The following MMUT variants were observed in gnomAD, a reference collection of about 807,000 sequenced individuals.
MMUT encodes the protein methylmalonyl-CoA mutase.
A neutral mutation model predicts 79.9 loss-of-function variants in MMUT; 79 were observed. The observed-to-expected ratio is 0.99, with a 90% CI of 0.82 to 1.19. The LOEUF is 1.19. MMUT is among the 50% of genes most tolerant of loss of function. The pLI is 0.00. For synonymous variants in MMUT, 273 were observed against 295.7 expected, an observed-to-expected ratio of 0.92 and a Z score of 0.79; for missense variants, 860 against 917.2, an observed-to-expected ratio of 0.94 and a Z score of 0.81.
intron 4 of MMUT, 76 bp from the exon 5 acceptor site, chr6:49,453,832 C>T (rs980826042): frequency 5.6e-6 from 7 of 1,242,874 alleles, no homozygotes. Context: ...AATTGTATCA[C>T]ACACTAGAAA....
At chr6:49,459,043 G>T (rs1454041075) in intron 2 of MMUT, 39 bp downstream of exon 2, 2 of 1,594,210 alleles carry the variant, frequency 1.3e-6, no homozygotes, top group South Asian at 1.1e-5. Context: ...GGAGGCATAT[G>T]ACTTATCATA....
At chr6:49,435,988 A>C (rs1767114391) in intron 11 of MMUT, among the ~76,000 whole-genome samples, 2 of 152,224 alleles carry the variant, frequency 1.3e-5, no homozygotes, top group Admixed American at 1.3e-4. Flanking sequence ...ACTTTCCAAA[A>C]AAGACATACA....
intron 12 of MMUT, among the ~76,000 whole-genome samples, chr6:49,434,268 G>T (rs994395237): frequency 2.6e-5 from 4 of 152,096 alleles, no homozygotes; most frequent in African/African-American, 9.7e-5. Flanking sequence ...TTAACAAAAA[G>T]AATTTTGTGT....
At position 49,436,273 on chromosome 6, in the gene MMUT, G is replaced by A. The variant is rs376769640; in HGVS notation, c.1957-650C>T. 6.6e-5 allele frequency among the ~76,000 whole-genome samples: 10 copies of A among 152,174 alleles called. 1 individual carries two copies. Among genetic ancestry groups the A allele is most frequent in the East Asian group, 5.8e-4 (3 of 5,168 alleles). The stretch of plus-strand genomic sequence containing the variant: ...CTCCCAACCCAGCAATCCCATTACC[G>A]TACATATACCCAAATGAACAGAAAT... On this transcript the variant is annotated intron_variant, in intron 11 of 12. Transcript: ENST00000274813.
intron 11 of MMUT, among the ~76,000 whole-genome samples, chr6:49,437,321 CA>C (rs1561951148): frequency 5.3e-5 from 8 of 151,966 alleles, no homozygotes; most frequent in Admixed American, 2.0e-4. Flanking sequence ...TAGCCAATTT[CA>C]CCCTATTAAC....
At position 49,444,757 on chromosome 6, in the gene MMUT, A is replaced by G. The variant is rs1767370231; in HGVS notation, c.1561-3T>C. ...GCTTGATCCCTGCTGGATTTGATCTATGGAAAAAGTCAAGGAAAGGGACAA... is the reference window on the plus strand; with the variant it reads ...GCTTGATCCCTGCTGGATTTGATCTGTGGAAAAAGTCAAGGAAAGGGACAA... On this transcript the variant is annotated splice_region_variant and splice_polypyrimidine_tract_variant and intron_variant, in intron 8 of 12. Transcript: ENST00000274813. 2 of 1,608,074 alleles carry G rather than the reference A, an allele frequency of 1.2e-6. No homozygotes were observed. The highest frequency in any genetic ancestry group is 2.2e-5 in the South Asian group (2 of 90,954).
intron 3 of MMUT, among the ~76,000 whole-genome samples, 166 bp downstream of exon 3, chr6:49,457,525 T>C (rs1047251648): frequency 6.6e-6 from 1 of 152,152 alleles, no homozygotes; most frequent in African/African-American, 2.4e-5. Context: ...TTCCTGCAAG[T>C]AACGACAGAA....
rs530299655 is a variant in MMUT at position 49,430,919 on chromosome 6, T to A, written c.*809A>T. The A allele has an allele frequency of 9.8e-5, 15 of 152,316 alleles. No individual in the cohort carries two copies. Among genetic ancestry groups the A allele is most frequent in the African/African-American group, 3.4e-4 (14 of 41,566 alleles). 9.4% of individuals were successfully genotyped at this position (152,316 alleles called of 1,614,324 possible). ...GCAATTTATGTTTAAGGAGCAAATC[T>A]ATGCAAGGTAGCATCTTTCTAGATC... On this transcript the variant is annotated 3_prime_UTR_variant, in exon 13 of 13. Coordinates refer to ENST00000274813, the MANE Select transcript of MMUT (RefSeq NM_000255.4).
intron 6 of MMUT, 35 bp from the exon 7 acceptor site, chr6:49,448,962 A>G: frequency 3.0e-6 from 4 of 1,353,730 alleles, no homozygotes; most frequent in Middle Eastern, 1.8e-4. Flanking sequence ...CTAAAAGAGA[A>G]TATTAAAAAT....
At position 49,456,165 on chromosome 6, in the gene MMUT, C is replaced by G. The variant is rs766420051; in HGVS notation, c.826G>C (p.Glu276Gln). 1.2e-6 allele frequency: 2 copies of G among 1,611,706 alleles called. No individual in the cohort carries two copies. The highest frequency in any genetic ancestry group is 3.3e-5 in the Admixed American group (2 of 59,998). The change falls in exon 4 of 13, where the codon GAG (glutamate) becomes CAG (glutamine). Residue 276 changes from glutamate (E) to glutamine (Q), a missense_variant. By Grantham distance (29) the Glu-to-Gln change is conservative. Coordinates refer to ENST00000274813, the MANE Select transcript of MMUT (RefSeq NM_000255.4). ...CCATCTGCTAAAGTATAGGCCAGCTCCAGAATGGCATCAGCCCCTGCTTCC... is the reference window on the plus strand; with the variant it reads ...CCATCTGCTAAAGTATAGGCCAGCTGCAGAATGGCATCAGCCCCTGCTTCC... The part of the protein sequence containing the change: ...MQEAGADAIL[E>Q]LAYTLADGLE...
At chr6:49,440,940 G>C (rs1767257415) in intron 10 of MMUT, among the ~76,000 whole-genome samples, 1 of 152,124 alleles carries the variant, frequency 6.6e-6, no homozygotes, top group African/African-American at 2.4e-5. Flanking sequence ...TCATAAGTGT[G>C]AACTCTCCCA....
chr6:49,448,764 G>C (rs1767473865), intron 7 of MMUT, 52 bp downstream of exon 7: 1 of 1,398,128 alleles, frequency 7.2e-7, no homozygotes, highest in Non-Finnish European at 1.0e-6. Context: ...AAACAGAAAT[G>C]AATTTCTTTT....
intron 4 of MMUT, 62 bp downstream of exon 4, chr6:49,456,018 T>C (rs1767677411): frequency 1.5e-6 from 2 of 1,309,476 alleles, no homozygotes; most frequent in Non-Finnish European, 2.2e-6. Flanking sequence ...ATTTTATCAA[T>C]ATATAAAATG....
chr6:49,448,681 A>G, intron 7 of MMUT, 135 bp downstream of exon 7: 1 of 704,696 alleles, frequency 1.4e-6, no homozygotes. Flanking sequence ...GATAGATACA[A>G]GTATATGAGA....
At chr6:49,457,047 A>G (rs1767706923) in intron 3 of MMUT, among the ~76,000 whole-genome samples, 1 of 152,244 alleles carries the variant, frequency 6.6e-6, no homozygotes, top group Non-Finnish European at 1.5e-5. Context: ...AAGGGTTGAT[A>G]AAGATAAAAA....
At chr6:49,438,844 C>T (rs143383392) in intron 11 of MMUT, among the ~76,000 whole-genome samples, 5 of 152,096 alleles carry the variant, frequency 3.3e-5, no homozygotes, top group Non-Finnish European at 5.9e-5. Context: ...ACCTCCAAGC[C>T]TACATCTTTC....
At chr6:49,434,974 C>T (rs1207296185) in intron 12 of MMUT, among the ~76,000 whole-genome samples, 1 of 152,128 alleles carries the variant, frequency 6.6e-6, no homozygotes, top group Non-Finnish European at 1.5e-5. Context: ...ATGGGACCAT[C>T]CTGGAGGAAA....
chr6:49,450,056 C>T (rs1767510311), intron 6 of MMUT, among the ~76,000 whole-genome samples: 1 of 151,642 alleles, frequency 6.6e-6, no homozygotes, highest in Admixed American at 6.6e-5. Flanking sequence ...CACGGTGAAC[C>T]CCCGTCTCCA....
chr6:49,438,678 G>A (rs982434237), intron 11 of MMUT, among the ~76,000 whole-genome samples: 10 of 152,178 alleles, frequency 6.6e-5, no homozygotes, highest in Admixed American at 2.0e-4. Context: ...CCCTGAGTGT[G>A]TCTGTGAGGG....
Sources: gnomAD v4.1 joint callset for allele counts (sites outside exome capture counted in the v4.1 genomes callset) on GRCh38, gnomAD v4.1.1 for gene constraint, MANE v1.5 for transcripts, NCBI Gene and HGNC (gene_info 2026-07-23, HGNC 2026-07-21) for gene names.